DENND5A: variants seen among roughly 807,000 people sequenced by gnomAD.
DENND5A encodes the protein DENN domain containing 5A, also known as DENN domain-containing protein 5A.
A neutral mutation model predicts 140.3 loss-of-function variants in DENND5A; 64 were observed. The observed-to-expected ratio is 0.46, with a 90% CI of 0.37 to 0.56. The LOEUF (loss-of-function observed/expected upper bound fraction) is 0.56, where lower values mean the gene tolerates loss of function less well. DENND5A is among the 20% of genes least tolerant of loss of function. The probability of loss-of-function intolerance (pLI) is 0.00; values close to 1 mark genes in which losing one functional copy is unlikely to be tolerated. For synonymous variants in DENND5A, 605 were observed against 607.7 expected (o/e 1.00, Z 0.07); for missense variants, 1,292 against 1,593.8 (o/e 0.81, Z 3.22).
At chr11:9,244,428 G>A (rs1851376934) in intron 1 of DENND5A, among the ~76,000 whole-genome samples, 1 of 152,092 alleles carries the variant, frequency 6.6e-6, no homozygotes, top group Admixed American at 6.6e-5. Context: ...GGAGTGCAAT[G>A]GTGTGATCTC....
rs1849730084 is a variant in DENND5A, at chr11:9,207,475, G to A, written c.181+86C>T. 2.9e-6 allele frequency: 3 copies of A among 1,022,724 alleles called. No homozygotes were observed. The East Asian group carries it at 7.2e-5, about 25-fold the overall frequency. The allele number at this position is 1,022,724 out of a possible 1,614,324, so 63.4% of individuals were successfully genotyped here. A position where few individuals can be genotyped will look rare whatever the true frequency, so the allele number is the denominator to read the frequency against. On this transcript the variant is annotated intron_variant, in intron 2 of 22. Coordinates refer to ENST00000328194, the MANE Select transcript of DENND5A (RefSeq NM_015213.4). ...AAAAAAGGCACAAGAAAGTTAGAAGGTCAAAGGTTACAAAATGCCACTGGA... is the reference window on the plus strand; with the variant it reads ...AAAAAAGGCACAAGAAAGTTAGAAGATCAAAGGTTACAAAATGCCACTGGA...
At chr11:9,234,920 C>G (rs894146614) in intron 1 of DENND5A, among the ~76,000 whole-genome samples, 1 of 152,124 alleles carries the variant, frequency 6.6e-6, no homozygotes, top group Non-Finnish European at 1.5e-5. Flanking sequence ...GTGAGACTCC[C>G]GATTTCCCAC....
At chr11:9,237,203 G>C (rs910723438) in intron 1 of DENND5A, among the ~76,000 whole-genome samples, 2 of 152,246 alleles carry the variant, frequency 1.3e-5, no homozygotes, top group Admixed American at 1.3e-4. Flanking sequence ...GATCACCTGA[G>C]GTCAGGAGTA....
At chr11:9,224,288 G>T (rs1298362831) in intron 1 of DENND5A, among the ~76,000 whole-genome samples, 2 of 152,154 alleles carry the variant, frequency 1.3e-5, no homozygotes, top group African/African-American at 4.8e-5. Context: ...AAAGCTTGGG[G>T]GTCTAGCATG....
chr11:9,180,815 A>T lies in DENND5A; in HGVS notation c.1407T>A (p.Ile469=), dbSNP rs777058511. ...SYELLKENET[I]ARLQALVKRT... is the part of the protein sequence containing the mutation. Reference sequence around the variant, plus strand: ...TCTTGACCAAGGCTTGCAGCCGGGCAATAGTTTCATTCTCCTTAAGAAGCT... The same window carrying T: ...TCTTGACCAAGGCTTGCAGCCGGGCTATAGTTTCATTCTCCTTAAGAAGCT... The change falls in exon 6 of 23, where the codon ATT becomes ATA. Residue 469 remains isoleucine (I), a synonymous_variant. Transcript: ENST00000328194. The T allele has an allele frequency of 6.2e-7, 1 of 1,614,212 alleles. No individual in the cohort carries two copies. The highest frequency in any genetic ancestry group is 8.5e-7 in the Non-Finnish European group (1 of 1,180,036).
intron 4 of DENND5A, 29 bp from the exon 5 acceptor site, chr11:9,193,710 C>T (rs1849221589): frequency 1.3e-6 from 2 of 1,567,088 alleles, no homozygotes. Context: ...AAAAAGCACA[C>T]ACACAAATCA....
At chr11:9,149,675 T>C (rs558638069) in intron 15 of DENND5A, among the ~76,000 whole-genome samples, 7 of 152,210 alleles carry the variant, frequency 4.6e-5, no homozygotes, top group African/African-American at 1.7e-4. Context: ...AGGGGTATGA[T>C]GTGTTGAACA....
At chr11:9,180,448 C>G (rs956517) in intron 6 of DENND5A, among the ~76,000 whole-genome samples, 17,886 of 152,118 alleles carry the variant, frequency 0.12, 1,111 homozygotes, top group South Asian at 0.17. Context: ...GTAAGAACCT[C>G]TCTCAAAAAA....
chr11:9,223,394 G>C (rs1366582930), intron 1 of DENND5A, among the ~76,000 whole-genome samples: 3 of 152,012 alleles, frequency 2.0e-5, no homozygotes, highest in Non-Finnish European at 4.4e-5. Flanking sequence ...ACAAAAATTA[G>C]CCAGGCATGA....
chr11:9,239,193 A>C (rs1685555678), intron 1 of DENND5A, among the ~76,000 whole-genome samples: 1 of 151,636 alleles, frequency 6.6e-6, no homozygotes, highest in Non-Finnish European at 1.5e-5. Flanking sequence ...TCAACATTTT[A>C]TTTATTTATT....
At chr11:9,249,498 G>A (rs1030482090) in intron 1 of DENND5A, among the ~76,000 whole-genome samples, 2 of 152,032 alleles carry the variant, frequency 1.3e-5, no homozygotes, top group Non-Finnish European at 2.9e-5. Context: ...CTGGAGCTGA[G>A]GCACATGCCA....
At chr11:9,184,630 A>T (rs1848845871) in intron 5 of DENND5A, among the ~76,000 whole-genome samples, 1 of 152,158 alleles carries the variant, frequency 6.6e-6, no homozygotes, top group Non-Finnish European at 1.5e-5. Flanking sequence ...CACTTCTTGA[A>T]ATTTGCCAAC....
At chr11:9,228,055 G>A (rs1467855395) in intron 1 of DENND5A, among the ~76,000 whole-genome samples, 1 of 142,958 alleles carries the variant, frequency 7.0e-6, no homozygotes, top group African/African-American at 2.6e-5. Flanking sequence ...GGAGGTTGCA[G>A]TGAGGGGAGA....
intron 8 of DENND5A, chr11:9,171,456 T>A (rs1158979796): frequency 6.6e-6 from 1 of 151,994 alleles, no homozygotes; most frequent in African/African-American, 2.4e-5. Context: ...CACAAAGAAA[T>A]CAAATTATTT....
rs181521130 is a variant in DENND5A at position 9,244,066 on chromosome 11, A to T, written c.109+20895T>A. Among the ~76,000 whole-genome samples the T allele has an allele frequency of 2.0e-5, 3 of 152,296 alleles. No homozygotes were observed. In the East Asian group the frequency reaches 5.8e-4, roughly 29 times the overall value. ...TTAGTAAAGTTTTCAGGGAGTCAAA[A>T]GTTACTTGTGGATTTTCTGCTACAC... On this transcript the variant is annotated intron_variant, in intron 1 of 22. Transcript: ENST00000328194.
chr11:9,237,522 T>C (rs1165735828), intron 1 of DENND5A, among the ~76,000 whole-genome samples: 1 of 152,254 alleles, frequency 6.6e-6, no homozygotes, highest in African/African-American at 2.4e-5. Context: ...TAAACATTAC[T>C]AGCAGAGGTC....
At chr11:9,250,047 A>AC (rs1218299398) in intron 1 of DENND5A, among the ~76,000 whole-genome samples, 3 of 150,578 alleles carry the variant, frequency 2.0e-5, no homozygotes, top group African/African-American at 7.3e-5. Flanking sequence ...TAAAATTTAA[A>AC]AAAAAAAAAA....
chr11:9,163,630 C>T (rs1848067399), intron 11 of DENND5A, among the ~76,000 whole-genome samples: 1 of 151,748 alleles, frequency 6.6e-6, no homozygotes, highest in African/African-American at 2.4e-5. Flanking sequence ...ATGATGAAAC[C>T]CTGTCTCTAC....
At chr11:9,153,450 T>G (rs772439422) in intron 12 of DENND5A, among the ~76,000 whole-genome samples, 4 of 150,546 alleles carry the variant, frequency 2.7e-5, no homozygotes, top group Non-Finnish European at 5.9e-5. Flanking sequence ...GGAGTGGATA[T>G]CCAGCCTATA....
Sources: gnomAD v4.1 joint callset for allele counts (sites outside exome capture counted in the v4.1 genomes callset) on GRCh38, gnomAD v4.1.1 for gene constraint, MANE v1.5 for transcripts, NCBI Gene and HGNC (gene_info 2026-07-23, HGNC 2026-07-21) for gene names.